ZNF385D: variants seen among roughly 807,000 people sequenced by gnomAD.
ZNF385D encodes zinc finger protein 659.
ZNF385D carries 15 observed loss-of-function variants against 35.8 expected under a neutral mutation model. The observed-to-expected ratio is 0.42, with a 90% CI of 0.28 to 0.64. ZNF385D has a LOEUF of 0.64. Among genes scored for constraint, ZNF385D ranks in the 30% least tolerant of loss-of-function variants. The pLI, the probability that ZNF385D is intolerant of heterozygous loss-of-function variation, is 0.23. For missense variants in ZNF385D, 474 were observed against 494.6 expected (o/e 0.96, Z 0.39); for synonymous variants, 212 against 186.8 (o/e 1.13, Z -1.10).
chr3:21,761,937 G>A (rs2070634245), intron 3 of ZNF385D, among the ~76,000 whole-genome samples: 1 of 137,972 alleles, frequency 7.2e-6, no homozygotes, highest in Non-Finnish European at 1.5e-5. Context: ...GGAGTGCAGT[G>A]GCGCGATCTC....
Position 22,185,839 on chromosome 3 carries a change from T to C in ZNF385D, c.107-16804A>G, listed in dbSNP as rs116644363. On this transcript the variant is annotated intron_variant, in intron 2 of 5. Coordinates refer to the ZNF385D transcript ENST00000494108. Reference sequence around the variant, plus strand: ...CCCTGGGGAGAAAGATGTTATTTTGTCTGAAATCTGTGCAGATAAAGGGAT... The same window carrying C: ...CCCTGGGGAGAAAGATGTTATTTTGCCTGAAATCTGTGCAGATAAAGGGAT... Among the ~76,000 whole-genome samples, 999 of 152,294 alleles carry C rather than the reference T, an allele frequency of 6.6e-3. 9 individuals carry two copies. The highest frequency in any genetic ancestry group is 0.023 in the African/African-American group (938 of 41,578).
At chr3:21,622,318 A>G (rs1323933598) in intron 2 of ZNF385D, among the ~76,000 whole-genome samples, 1 of 152,180 alleles carries the variant, frequency 6.6e-6, no homozygotes, top group African/African-American at 2.4e-5. Flanking sequence ...AACAGTGTCC[A>G]CAGAGGTCAT....
intron 2 of ZNF385D, among the ~76,000 whole-genome samples, chr3:21,638,227 G>GA (rs1319222222): frequency 6.6e-6 from 1 of 151,990 alleles, no homozygotes; most frequent in African/African-American, 2.4e-5. Flanking sequence ...AATTCTCCAT[G>GA]AATCTTATGT....
intron 3 of ZNF385D, among the ~76,000 whole-genome samples, chr3:21,954,984 T>C (rs1702221700): frequency 6.6e-6 from 1 of 152,160 alleles, no homozygotes; most frequent in Non-Finnish European, 1.5e-5. Context: ...AATCTGGTGA[T>C]GCCCCTGTGA....
intron 3 of ZNF385D, among the ~76,000 whole-genome samples, chr3:21,998,712 T>C (rs775581407): frequency 5.9e-5 from 9 of 152,230 alleles, no homozygotes; most frequent in African/African-American, 1.7e-4. Flanking sequence ...ATTTTGAGAA[T>C]GGTATTTTAA....
intron 1 of ZNF385D, among the ~76,000 whole-genome samples, chr3:21,750,157 G>A (rs947472181): frequency 6.6e-6 from 1 of 152,310 alleles, no homozygotes; most frequent in Non-Finnish European, 1.5e-5. Flanking sequence ...AAGTTGCGGC[G>A]TTAGAGTGCA....
chr3:22,236,691 T>C (rs993059976), intron 2 of ZNF385D, among the ~76,000 whole-genome samples: 14 of 152,142 alleles, frequency 9.2e-5, no homozygotes, highest in African/African-American at 3.4e-4. Context: ...TGAAACCCCA[T>C]AATGATTAGC....
At chr3:22,160,787 T>C (rs769634798) in intron 3 of ZNF385D, among the ~76,000 whole-genome samples, 7 of 152,130 alleles carry the variant, frequency 4.6e-5, no homozygotes, top group Non-Finnish European at 8.8e-5. Flanking sequence ...CCAGGCTTAA[T>C]AAATTAACCC....
At chr3:22,191,920 A>G (rs965259820) in intron 2 of ZNF385D, among the ~76,000 whole-genome samples, 16 of 149,794 alleles carry the variant, frequency 1.1e-4, no homozygotes, top group African/African-American at 4.0e-4. Context: ...ATAAAAAAAC[A>G]ATGGTAATTT....
At position 21,529,444 on chromosome 3, in the gene ZNF385D, T is replaced by C. The variant is rs541903630; in HGVS notation, c.277-18421A>G. ...CTTCAAGTGTACAGCTTTTTCATCC[T>C]TCTTCATTTTTCCTGGCTGTCCTTT... is the stretch of plus-strand genomic sequence containing the variant. On this transcript the variant is annotated intron_variant, in intron 3 of 7. Coordinates refer to ENST00000281523, the MANE Select transcript of ZNF385D (RefSeq NM_024697.3). Among the ~76,000 whole-genome samples the C allele has an allele frequency of 1.8e-3, 270 of 152,334 alleles. 1 individual carries two copies. The highest frequency in any genetic ancestry group is 6.3e-3 in the African/African-American group (263 of 41,590).
intron 2 of ZNF385D, among the ~76,000 whole-genome samples, chr3:21,614,657 C>T (rs1261344851): frequency 3.3e-5 from 5 of 152,150 alleles, no homozygotes; most frequent in African/African-American, 9.7e-5. Flanking sequence ...GGCACGATCT[C>T]GGCTCACTAC....
chr3:22,281,978 G>C (rs1316669725), intron 2 of ZNF385D, among the ~76,000 whole-genome samples: 1 of 151,980 alleles, frequency 6.6e-6, no homozygotes, highest in Non-Finnish European at 1.5e-5. Context: ...ATCTAGGAGG[G>C]TTGTATATTT....
At chr3:22,077,203 A>G (rs907330495) in intron 3 of ZNF385D, among the ~76,000 whole-genome samples, 3 of 151,960 alleles carry the variant, frequency 2.0e-5, no homozygotes, top group African/African-American at 7.2e-5. Context: ...GACTATATGA[A>G]TGTTTCATTT....
At chr3:22,144,106 G>C (rs1006227150) in intron 3 of ZNF385D, among the ~76,000 whole-genome samples, 2 of 152,070 alleles carry the variant, frequency 1.3e-5, no homozygotes, top group South Asian at 2.1e-4. Flanking sequence ...AAAAATATTT[G>C]ATAAAAAATT....
intron 2 of ZNF385D, among the ~76,000 whole-genome samples, chr3:22,309,534 A>G (rs542465109): frequency 3.0e-4 from 45 of 152,100 alleles, no homozygotes; most frequent in Non-Finnish European, 6.3e-4. Context: ...AACTATTTAA[A>G]TATATAAGAA....
chr3:22,041,100 T>C (rs1222822229), intron 3 of ZNF385D, among the ~76,000 whole-genome samples: 1 of 152,144 alleles, frequency 6.6e-6, no homozygotes, highest in Non-Finnish European at 1.5e-5. Context: ...TCTCCCGCTC[T>C]GTCACTCTCT....
At chr3:21,895,246 A>G (rs1699071993) in intron 3 of ZNF385D, among the ~76,000 whole-genome samples, 1 of 149,882 alleles carries the variant, frequency 6.7e-6, no homozygotes, top group Admixed American at 6.7e-5. Context: ...GAGTCAGAAC[A>G]TGGCGGACAT....
chr3:22,027,413 G>T (rs930167968), intron 3 of ZNF385D, among the ~76,000 whole-genome samples: 5 of 152,188 alleles, frequency 3.3e-5, no homozygotes, highest in Admixed American at 1.3e-4. Flanking sequence ...AGTGCTTGAG[G>T]AGTCAGTGAC....
At chr3:21,430,238 A>T (rs139083194) in intron 5 of ZNF385D, among the ~76,000 whole-genome samples, 1 of 151,858 alleles carries the variant, frequency 6.6e-6, no homozygotes, top group African/African-American at 2.4e-5. Context: ...TATTGCCCCA[A>T]ATAAGAAAAA....
Sources: allele counts gnomAD v4.1 joint callset (sites outside exome capture counted in the v4.1 genomes callset), GRCh38; gene constraint gnomAD v4.1.1; transcripts MANE v1.5; gene names NCBI Gene and HGNC (gene_info 2026-07-23, HGNC 2026-07-21).